Variants in ACSBG1 observed in about 807,000 individuals in gnomAD.
The protein encoded by ACSBG1 is acyl-CoA synthetase bubblegum family member 1.
Under a neutral mutation model 80.2 loss-of-function variants are expected in ACSBG1, and 39 were observed. The ratio of observed to expected loss-of-function variants is 0.49; its 90% confidence interval spans 0.38 to 0.64. The LOEUF (loss-of-function observed/expected upper bound fraction) is 0.64. Among genes scored for constraint, ACSBG1 ranks in the 30% least tolerant of loss-of-function variants. ACSBG1 has a pLI of 0.00. For synonymous variants in ACSBG1, 392 were observed against 379.5 expected (o/e 1.03, Z -0.38); for missense variants, 828 against 966.4 (o/e 0.86, Z 1.90).
intron 1 of ACSBG1, among the ~76,000 whole-genome samples, chr15:78,226,097 T>C (rs2075398342): frequency 6.6e-6 from 1 of 152,226 alleles, no homozygotes; most frequent in Non-Finnish European, 1.5e-5. Flanking sequence ...ACACGGTATT[T>C]TTGTCGTCTA....
chr15:78,233,459 G>C (rs902085173), intron 1 of ACSBG1, among the ~76,000 whole-genome samples: 3 of 152,104 alleles, frequency 2.0e-5, no homozygotes, highest in African/African-American at 7.2e-5. Flanking sequence ...TTGGACCCTG[G>C]TATTTAGCCC....
At chr15:78,212,737 G>A (rs562737830) in intron 1 of ACSBG1, 14 of 368,674 alleles carry the variant, frequency 3.8e-5, no homozygotes, top group South Asian at 2.8e-4. Flanking sequence ...CTGCAACAGA[G>A]ATACAGCGTG....
chr15:78,181,286 G>T, intron 8 of ACSBG1, among the ~76,000 whole-genome samples: 1 of 152,276 alleles, frequency 6.6e-6, no homozygotes, highest in South Asian at 2.1e-4. Context: ...TGAGATGCTG[G>T]TGGAGGGAAA....
At position 78,215,959 on chromosome 15, in the gene ACSBG1, C is replaced by CA. The variant is rs559505927; in HGVS notation, c.132-7858dup. ...TGGTAGAGCCGCCTATGACACTTTT[C>CA]AAAGCTCGCCTTCTCTGGGAGGGAC... On this transcript the variant is annotated intron_variant, in intron 1 of 13. Coordinates refer to ENST00000258873, the MANE Select transcript of ACSBG1 (RefSeq NM_015162.5). Among the ~76,000 whole-genome samples, 34 of 152,322 alleles carry CA rather than the reference C, an allele frequency of 2.2e-4. 2 individuals carry two copies. The South Asian group carries it at 6.6e-3, about 30-fold the overall frequency.
intron 2 of ACSBG1, among the ~76,000 whole-genome samples, chr15:78,201,078 G>A (rs544484534): frequency 2.0e-5 from 3 of 152,208 alleles, no homozygotes; most frequent in South Asian, 2.1e-4. Flanking sequence ...CAAGGACCAC[G>A]TGTTGCCTCC....
chr15:78,173,940 T>C lies in ACSBG1; in HGVS notation c.1843-101A>G, dbSNP rs545080662. The stretch of plus-strand genomic sequence containing the variant: ...CTGCTGTCGGCAAGGGTGTGAATCA[T>C]GTGAGCTCTGTTTCAAAGAGACGGT... On this transcript the variant is annotated intron_variant, in intron 12 of 13. Coordinates refer to ENST00000258873, the MANE Select transcript of ACSBG1 (RefSeq NM_015162.5). 5.7e-4 allele frequency: 793 copies of C among 1,387,820 alleles called. 12 individuals carry two copies. In the South Asian group the frequency reaches 0.01, roughly 18 times the overall value. 86.0% of individuals were successfully genotyped at this position (1,387,820 alleles called of 1,614,324 possible). A position where few individuals can be genotyped will look rare whatever the true frequency, so the allele number is the denominator to read the frequency against.
intron 1 of ACSBG1, among the ~76,000 whole-genome samples, chr15:78,218,331 G>A (rs2075329739): frequency 6.6e-6 from 1 of 152,104 alleles, no homozygotes; most frequent in Non-Finnish European, 1.5e-5. Flanking sequence ...AGGCATTGTG[G>A]GGGCATTGTG....
intron 8 of ACSBG1, among the ~76,000 whole-genome samples, chr15:78,181,286 G>A (rs150846884): frequency 1.3e-5 from 2 of 152,276 alleles, no homozygotes; most frequent in Non-Finnish European, 2.9e-5. Flanking sequence ...TGAGATGCTG[G>A]TGGAGGGAAA....
At chr15:78,203,495 G>A (rs1029991454) in intron 2 of ACSBG1, among the ~76,000 whole-genome samples, 1 of 152,020 alleles carries the variant, frequency 6.6e-6, no homozygotes, top group African/African-American at 2.4e-5. Context: ...CCCAGGCAAG[G>A]TTGGCACTCT....
intron 1 of ACSBG1, among the ~76,000 whole-genome samples, chr15:78,227,745 A>G (rs2075415667): frequency 1.3e-5 from 2 of 152,258 alleles, no homozygotes; most frequent in African/African-American, 4.8e-5. Context: ...ATGCCCATCA[A>G]TAGATTAATG....
chr15:78,184,219 G>T (rs1270737552), intron 5 of ACSBG1, among the ~76,000 whole-genome samples: 1 of 152,152 alleles, frequency 6.6e-6, no homozygotes, highest in East Asian at 1.9e-4. Context: ...TTGGAGACAG[G>T]TTCTTGCTCT....
At chr15:78,209,190 C>T (rs977551270) in intron 1 of ACSBG1, 2 of 455,914 alleles carry the variant, frequency 4.4e-6, no homozygotes, top group South Asian at 1.5e-5. Context: ...CTGCAGGTTC[C>T]GAACAAAACT....
chr15:78,183,157 T>G (rs150963385), intron 5 of ACSBG1, among the ~76,000 whole-genome samples: 1 of 151,954 alleles, frequency 6.6e-6, no homozygotes, highest in African/African-American at 2.4e-5. Context: ...GTGCAGAGAG[T>G]GAGTGGTTTC....
intron 1 of ACSBG1, chr15:78,209,222 C>A (rs1200833590): frequency 4.4e-6 from 2 of 456,108 alleles, no homozygotes; most frequent in South Asian, 3.1e-5. Context: ...CACACCTAGG[C>A]CCACCTGGCA....
intron 12 of ACSBG1, among the ~76,000 whole-genome samples, chr15:78,174,071 A>C (rs907436793): frequency 6.6e-6 from 1 of 152,212 alleles, no homozygotes; most frequent in Non-Finnish European, 1.5e-5. Context: ...TCTGTAAAGC[A>C]GGGACGGTAA....
intron 1 of ACSBG1, among the ~76,000 whole-genome samples, chr15:78,217,742 T>C (rs1162832127): frequency 1.3e-5 from 2 of 152,102 alleles, no homozygotes; most frequent in East Asian, 3.9e-4. Context: ...AATTTTTGTA[T>C]TTTTAGTAGA....
chr15:78,179,823 AC>A, intron 9 of ACSBG1, 43 bp from the exon 10 acceptor site: 1 of 1,263,646 alleles, frequency 7.9e-7, no homozygotes, highest in Non-Finnish European at 1.1e-6. Flanking sequence ...AATCACACAC[AC>A]ACACACACAC....
At chr15:78,193,396 G>T in intron 5 of ACSBG1, 110 bp downstream of exon 5, 1 of 1,464,906 alleles carries the variant, frequency 6.8e-7, no homozygotes, top group Non-Finnish European at 9.2e-7. Flanking sequence ...GGTTGCCGTT[G>T]AGGATGAGGA....
At chr15:78,210,206 C>A (rs981906549) in intron 1 of ACSBG1, among the ~76,000 whole-genome samples, 3 of 152,194 alleles carry the variant, frequency 2.0e-5, no homozygotes, top group Admixed American at 2.0e-4. Context: ...AGAGGGTGGA[C>A]CGTGGCCCTC....
Sources: gnomAD v4.1 joint callset for allele counts (sites outside exome capture counted in the v4.1 genomes callset) on GRCh38, gnomAD v4.1.1 for gene constraint, MANE v1.5 for transcripts, NCBI Gene and HGNC (gene_info 2026-07-23, HGNC 2026-07-21) for gene names.